The following CASKIN1 variants were observed in gnomAD, a reference collection of about 807,000 sequenced individuals.
CASKIN1 encodes the protein caskin-1.
In CASKIN1, 42 loss-of-function variants were observed where a neutral mutation model predicts 117.5. The ratio of observed to expected loss-of-function variants is 0.36; its 90% confidence interval spans 0.28 to 0.46. The LOEUF (loss-of-function observed/expected upper bound fraction) is 0.46. Among genes scored for constraint, CASKIN1 ranks in the 20% least tolerant of loss-of-function variants. The probability of loss-of-function intolerance (pLI) is 1.00; values close to 1 mark genes in which losing one functional copy is unlikely to be tolerated. For missense variants in CASKIN1, 2,083 were observed against 2,077.3 expected (o/e 1.00, Z -0.05); for synonymous variants, 1,148 against 961.7 (o/e 1.19, Z -3.59).
chr16:2,182,876 C>T lies in CASKIN1; in HGVS notation c.1629+770G>A, dbSNP rs539936288. 6.6e-6 allele frequency among the ~76,000 whole-genome samples: 1 copy of T among 152,336 alleles called. No homozygotes were observed. The highest frequency in any genetic ancestry group is 1.9e-4 in the East Asian group (1 of 5,186). ...CGCAATCTCGGCTCACTGCAAGCTC[C>T]GCCTCCCGGGTTCATGCCATTCTCC... On this transcript the variant is annotated intron_variant, in intron 16 of 19. Transcript: ENST00000343516. The surrounding 1 kb of genome is among the most constrained non-coding windows in gnomAD (Gnocchi z 4.1).
chr16:2,184,231 C>A (rs2093176939), intron 14 of CASKIN1, among the ~76,000 whole-genome samples: 1 of 152,126 alleles, frequency 6.6e-6, no homozygotes, highest in Non-Finnish European at 1.5e-5. Context: ...CCCTGACTGT[C>A]CCCTGCTCCT....
At chr16:2,193,901 C>G (rs1309194245) in intron 1 of CASKIN1, among the ~76,000 whole-genome samples, 1 of 152,214 alleles carries the variant, frequency 6.6e-6, no homozygotes, top group Admixed American at 6.5e-5. Context: ...GGGCCTGGGG[C>G]TGGGGGCTGT....
Position 2,177,254 on chromosome 16 carries a change from A to T in CASKIN1, c.*1296T>A, listed in dbSNP as rs1409836960. The T allele has an allele frequency of 4.1e-6, 1 of 241,122 alleles. No individual in the cohort carries two copies. The highest frequency in any genetic ancestry group is 8.2e-6 in the Non-Finnish European group (1 of 121,894). 14.9% of individuals were successfully genotyped at this position (241,122 alleles called of 1,614,324 possible). ...CTCCCCTGCCCACCTGCTGGAGCCC[A>T]GCCTGTGCCGCCCTCTGAGGAGAGG... On this transcript the variant is annotated 3_prime_UTR_variant, in exon 20 of 20. Transcript: ENST00000343516.
chr16:2,177,971 G>A lies in CASKIN1; in HGVS notation c.*579C>T. 1.4e-5 allele frequency: 5 copies of A among 370,206 alleles called. No homozygotes were observed. Among genetic ancestry groups the A allele is most frequent in the South Asian group, 2.6e-5 (1 of 38,050 alleles). The allele number at this position is 370,206 out of a possible 1,614,324, so 22.9% of individuals were successfully genotyped here. On this transcript the variant is annotated 3_prime_UTR_variant, in exon 20 of 20. Coordinates refer to ENST00000343516, the MANE Select transcript of CASKIN1 (RefSeq NM_020764.4). ...CCTGGGCCTCTAACAGCTTTTGTCC[G>A]GAGCTAGACTTCGTGTCCTTTCAGT... is the stretch of plus-strand genomic sequence containing the variant.
Position 2,179,930 on chromosome 16 carries a change from G to C in CASKIN1, c.3438C>G (p.Asp1146Glu). ...TGGCCTTGGGCCTGCGCTTGACCGT[G>C]TCAGACTCGGTCAGGATGAACTTGA... ...ENVKFILTES[D>E]TVKRRPKAKE... is the part of the protein sequence containing the mutation. The change falls in exon 18 of 20, where the codon GAC becomes GAG. Residue 1146 changes from aspartate (D) to glutamate (E), a missense_variant. By Grantham distance (45) the Asp-to-Glu change is conservative. This residue lies in a region of CASKIN1 where 1,818 missense variants were observed against 1,688.9 expected (regional missense o/e 1.08). Transcript: ENST00000343516. This position sits in a 1 kb window ranked among gnomAD's most constrained non-coding sequence, Gnocchi z 5.8. The C allele has an allele frequency of 6.2e-7, 1 of 1,605,430 alleles. No homozygotes were observed.
chr16:2,181,184 G>A lies in CASKIN1; in HGVS notation c.2184C>T (p.Leu728=). The A allele has an allele frequency of 6.5e-7, 1 of 1,544,954 alleles. No individual in the cohort carries two copies. ...SSPMSRSQEY[L]LDEGPAPGTP... ...TGCCGGGGGCGGGGCCCTCATCCAG[G>A]AGGTACTCCTGGCTTCGAGACATGG... Residue 728 remains leucine (L), a synonymous_variant, in exon 18 of 20, where the codon CTC becomes CTT. Coordinates refer to ENST00000343516, the MANE Select transcript of CASKIN1 (RefSeq NM_020764.4).
intron 14 of CASKIN1, among the ~76,000 whole-genome samples, chr16:2,184,261 C>A (rs1460169584): frequency 6.6e-6 from 1 of 152,166 alleles, no homozygotes; most frequent in African/African-American, 2.4e-5. Context: ...ACGCCCCACG[C>A]CATCTTGGGG....
At chr16:2,192,873 G>A (rs935008385) in intron 1 of CASKIN1, among the ~76,000 whole-genome samples, 1 of 152,230 alleles carries the variant, frequency 6.6e-6, no homozygotes, top group Non-Finnish European at 1.5e-5. Flanking sequence ...GCGCAGCTGA[G>A]GTGCTCAGTT....
rs934197628 is a variant in CASKIN1 at position 2,178,065 on chromosome 16, T to C, written c.*485A>G. ...AATATATATTTGTTAAAGTTATACC[T>C]TTTTGTTTCTCTGGGGAAATCCGCC... On this transcript the variant is annotated 3_prime_UTR_variant, in exon 20 of 20. Coordinates refer to ENST00000343516, the MANE Select transcript of CASKIN1 (RefSeq NM_020764.4). 4.1e-5 allele frequency: 20 copies of C among 484,696 alleles called. No homozygotes were observed. The Admixed American group carries it at 5.1e-4, about 12-fold the overall frequency. The allele number at this position is 484,696 out of a possible 1,614,324, so 30.0% of individuals were successfully genotyped here.
chr16:2,194,264 G>C (rs2093209405), intron 1 of CASKIN1, among the ~76,000 whole-genome samples: 1 of 152,306 alleles, frequency 6.6e-6, no homozygotes, highest in African/African-American at 2.4e-5. Context: ...CCGGGTCAGA[G>C]GGAAGAGTGG....
Position 2,178,928 on chromosome 16 carries a change from G to A in CASKIN1, c.4173C>T (p.Ile1391=). 1 of 1,493,294 alleles carries A rather than the reference G, an allele frequency of 6.7e-7. No homozygotes were observed. The highest frequency in any genetic ancestry group is 1.3e-5 in the South Asian group (1 of 78,924). 92.5% of individuals were successfully genotyped at this position (1,493,294 alleles called of 1,614,324 possible). The change falls in exon 19 of 20, where the codon ATC becomes ATT. Residue 1391 remains isoleucine, a synonymous_variant. Coordinates refer to ENST00000343516, the MANE Select transcript of CASKIN1 (RefSeq NM_020764.4). ...GCGGGCCCTGCGCGTCCTCCTGCCG[G>A]ATCTTCTCCTCCACCGCCTGCAGCG... ...AAALQAVEEK[I]RQEDAQGPRD...
At chr16:2,190,441 T>C in intron 1 of CASKIN1, 83 bp from the exon 2 acceptor site, 1 of 1,269,284 alleles carries the variant, frequency 7.9e-7, no homozygotes, top group Non-Finnish European at 1.1e-6. Context: ...GGGCCAGCCA[T>C]CTCCCCGGCA....
At chr16:2,178,728 G>A (rs1567256692) in intron 19 of CASKIN1, 82 bp from the exon 20 acceptor site, 9 of 1,369,032 alleles carry the variant, frequency 6.6e-6, no homozygotes, top group Middle Eastern at 2.6e-4. Context: ...CCCACGTCCC[G>A]CATCTCCGTC....
rs759379365 is a variant in CASKIN1 at position 2,181,131 on chromosome 16, C to T, written c.2237G>A (p.Arg746His). 8.1e-6 allele frequency: 12 copies of T among 1,476,000 alleles called. No homozygotes were observed. The South Asian group carries it at 9.7e-5, about 12-fold the overall frequency. 91.4% of individuals were successfully genotyped at this position (1,476,000 alleles called of 1,614,324 possible). A position where few individuals can be genotyped will look rare whatever the true frequency, so the allele number is the denominator to read the frequency against. ...GTPPREARPG[R>H]HGHSIKRASV... ...GGCCCTCTTGATGCTGTGGCCGTGGCGGCCGGGCCGGGCCTCCCTGGGCGG... is the reference window on the plus strand; with the variant it reads ...GGCCCTCTTGATGCTGTGGCCGTGGTGGCCGGGCCGGGCCTCCCTGGGCGG... The change falls in exon 18 of 20, where the codon CGC becomes CAC. Residue 746 changes from arginine to histidine, a missense_variant. This residue lies in a region of CASKIN1 where 1,818 missense variants were observed against 1,688.9 expected (regional missense o/e 1.08). Transcript: ENST00000343516.
intron 1 of CASKIN1, among the ~76,000 whole-genome samples, chr16:2,190,637 G>A (rs368697094): frequency 6.6e-6 from 1 of 152,178 alleles, no homozygotes; most frequent in Non-Finnish European, 1.5e-5. Flanking sequence ...CCCACCTGGG[G>A]ATAGGAGGCA....
Position 2,178,180 on chromosome 16 carries a change from C to A in CASKIN1, c.*370G>T. 2 of 465,006 alleles carry A rather than the reference C, an allele frequency of 4.3e-6. No homozygotes were observed. Among genetic ancestry groups the A allele is most frequent in the Non-Finnish European group, 8.1e-6 (2 of 245,886 alleles). The allele number at this position is 465,006 out of a possible 1,614,324, so 28.8% of individuals were successfully genotyped here. A position where few individuals can be genotyped will look rare whatever the true frequency, so the allele number is the denominator to read the frequency against. On this transcript the variant is annotated 3_prime_UTR_variant, in exon 20 of 20. Coordinates refer to ENST00000343516, the MANE Select transcript of CASKIN1 (RefSeq NM_020764.4). ...GGGGCCCTGACCTTGGTCCCCTGTC[C>A]CTTGTGCTGCGCCCGAGCGGCTGGC...
At chr16:2,184,019 G>A in intron 14 of CASKIN1, 78 bp from the exon 15 acceptor site, 2 of 994,342 alleles carry the variant, frequency 2.0e-6, no homozygotes, top group Admixed American at 2.7e-5. Flanking sequence ...TCCTCTGCTT[G>A]GCCGGCCAGC....
chr16:2,188,176 G>A (rs1325235801), intron 6 of CASKIN1, among the ~76,000 whole-genome samples: 1 of 146,768 alleles, frequency 6.8e-6, no homozygotes, highest in Non-Finnish European at 1.5e-5. Flanking sequence ...TTGAACCACC[G>A]CACTCAGCTG....
At chr16:2,195,972 G>A (rs537063103) in intron 1 of CASKIN1, among the ~76,000 whole-genome samples, 1 of 149,274 alleles carries the variant, frequency 6.7e-6, no homozygotes, top group East Asian at 2.0e-4. Context: ...CGTGTGGTGG[G>A]TGGGGGGGGC....
Sources: gnomAD v4.1 joint callset for allele counts (sites outside exome capture counted in the v4.1 genomes callset) on GRCh38, gnomAD v4.1.1 for gene constraint, gnomAD v4.1.1 regional missense constraint, Gnocchi (gnomAD v3.1) non-coding constraint, MANE v1.5 for transcripts, NCBI Gene and HGNC (gene_info 2026-07-23, HGNC 2026-07-21) for gene names.